Variants in NDUFAF6 observed in about 807,000 individuals in gnomAD.
NDUFAF6 encodes NADH:ubiquinone oxidoreductase complex assembly factor 6.
In NDUFAF6, 45 loss-of-function variants were observed where a neutral mutation model predicts 40.8. The observed-to-expected ratio is 1.10, with a 90% CI of 0.87 to 1.42. The LOEUF is 1.42. Ranked by LOEUF, NDUFAF6 falls within the 40% of genes most tolerant of loss-of-function variation. The pLI is 0.00. For missense variants in NDUFAF6, 435 were observed against 418.5 expected, an observed-to-expected ratio of 1.04 and a Z score of -0.34; for synonymous variants, 185 against 155.9, an observed-to-expected ratio of 1.19 and a Z score of -1.39.
At chr8:95,097,436 G>A (rs1320302118), upstream of NDUFAF6, among the ~76,000 whole-genome samples, 2 of 152,214 alleles carry the variant, frequency 1.3e-5, no homozygotes, top group Non-Finnish European at 2.9e-5. Context: ...AGCGGCTCAC[G>A]CCTGTAATCC....
At chr8:94,948,332 A>G (rs1822196127) in intron 2 of NDUFAF6, among the ~76,000 whole-genome samples, 3 of 152,166 alleles carry the variant, frequency 2.0e-5, no homozygotes, top group African/African-American at 7.2e-5. Flanking sequence ...TATTTCATAT[A>G]AGGTTATTAT....
chr8:94,896,945 A>G (rs933809906), intron 1 of NDUFAF6, among the ~76,000 whole-genome samples: 1 of 152,132 alleles, frequency 6.6e-6, no homozygotes, highest in Non-Finnish European at 1.5e-5. Context: ...TGTCAGTCCC[A>G]AGAAACTTTC....
intron 1 of NDUFAF6, among the ~76,000 whole-genome samples, chr8:94,973,524 C>T (rs1181476698): frequency 2.6e-5 from 4 of 152,026 alleles, no homozygotes; most frequent in African/African-American, 7.2e-5. Flanking sequence ...CTAGCTAACA[C>T]AGTGAAACCC....
At chr8:95,032,474 G>A (rs1346913935) in intron 2 of NDUFAF6, among the ~76,000 whole-genome samples, 2 of 152,148 alleles carry the variant, frequency 1.3e-5, no homozygotes, top group Non-Finnish European at 1.5e-5. Context: ...TTTAAATTGA[G>A]GTTTTAGCTT....
chr8:94,921,292 A>C (rs1427946139), intron 1 of NDUFAF6, among the ~76,000 whole-genome samples: 1 of 152,210 alleles, frequency 6.6e-6, no homozygotes, highest in Non-Finnish European at 1.5e-5. Context: ...ACTGAAGTTA[A>C]GTGGGGATGA....
rs555590298 is a variant in NDUFAF6 at position 95,074,517 on chromosome 8, A to G, written c.*512-1116A>G. Reference sequence around the variant, plus strand: ...TCTAACCACCTGAAGATGACTTTCCATCTCCTCCAATGTCCTATGTCTAAA... The same window carrying G: ...TCTAACCACCTGAAGATGACTTTCCGTCTCCTCCAATGTCCTATGTCTAAA... On this transcript the variant is annotated intron_variant and NMD_transcript_variant, in intron 9 of 9. Transcript: ENST00000520757. Among the ~76,000 whole-genome samples, 6 of 113,764 alleles carry G rather than the reference A, an allele frequency of 5.3e-5. No individual in the cohort carries two copies. The East Asian group carries it at 1.4e-3, about 26-fold the overall frequency. The allele number at this position is 113,764 out of a possible 152,430, so 74.6% of individuals were successfully genotyped here. A position where few individuals can be genotyped will look rare whatever the true frequency, so the allele number is the denominator to read the frequency against.
chr8:94,964,488 G>T (rs548998216), intron 1 of NDUFAF6, among the ~76,000 whole-genome samples: 79 of 151,732 alleles, frequency 5.2e-4, no homozygotes, highest in Non-Finnish European at 1.0e-4. Context: ...AATAAAAGAG[G>T]TTTATATGGC....
downstream of NDUFAF6, among the ~76,000 whole-genome samples, chr8:95,078,293 T>C (rs906590228): frequency 1.3e-5 from 2 of 152,012 alleles, no homozygotes; most frequent in African/African-American, 4.8e-5. Context: ...TTTTGGCAAA[T>C]GCATAATGTC....
At chr8:94,939,712 C>T (rs773266632) in intron 1 of NDUFAF6, 43 of 1,153,258 alleles carry the variant, frequency 3.7e-5, no homozygotes, top group Non-Finnish European at 4.8e-5. Context: ...AGTTATCTTA[C>T]GGACCATCTT....
At chr8:95,004,033 TAG>T (rs1322820383) in intron 2 of NDUFAF6, among the ~76,000 whole-genome samples, 2 of 152,048 alleles carry the variant, frequency 1.3e-5, no homozygotes, top group African/African-American at 2.4e-5. Context: ...GAGGAACGAG[TAG>T]AGAGAGTGCT....
chr8:94,905,332 A>G (rs1818326011), intron 1 of NDUFAF6, among the ~76,000 whole-genome samples: 1 of 149,062 alleles, frequency 6.7e-6, no homozygotes, highest in Non-Finnish European at 1.5e-5. Context: ...GATTTTAAAA[A>G]TCATTTATTT....
intron 8 of NDUFAF6, 119 bp downstream of exon 8, chr8:95,052,349 C>T: frequency 2.8e-6 from 3 of 1,086,766 alleles, no homozygotes; most frequent in Non-Finnish European, 4.1e-6. Flanking sequence ...TTTTGTTTCC[C>T]TCCCTCATGG....
intron 3 of NDUFAF6, chr8:95,036,417 A>G: frequency 7.8e-7 from 1 of 1,289,410 alleles, no homozygotes; most frequent in Non-Finnish European, 1.0e-6. Context: ...CCCCAGATTG[A>G]CTTCACAGAG....
chr8:95,061,317 T>C (rs1302110043), downstream of NDUFAF6, among the ~76,000 whole-genome samples: 1 of 152,228 alleles, frequency 6.6e-6, no homozygotes, highest in African/African-American at 2.4e-5. Context: ...GGATTTGTTT[T>C]AGCTCATATA....
intron 2 of NDUFAF6, among the ~76,000 whole-genome samples, chr8:95,009,638 G>A (rs1238422955): frequency 6.6e-5 from 10 of 152,094 alleles, no homozygotes; most frequent in African/African-American, 1.9e-4. Context: ...CATCTGCTTC[G>A]GGCCAGCCCA....
At chr8:94,973,641 G>A (rs960873929) in intron 1 of NDUFAF6, among the ~76,000 whole-genome samples, 9 of 151,310 alleles carry the variant, frequency 5.9e-5, no homozygotes, top group Non-Finnish European at 1.3e-4. Context: ...CTGGGAGGTG[G>A]AGGTTGCAGT....
intron 1 of NDUFAF6, among the ~76,000 whole-genome samples, chr8:94,971,873 C>T (rs538447201): frequency 2.0e-5 from 3 of 151,400 alleles, no homozygotes; most frequent in Non-Finnish European, 4.4e-5. Flanking sequence ...TGGAGGCGGA[C>T]GTTGCAGTGA....
At chr8:95,106,545 GC>G (rs1445161592), downstream of NDUFAF6, among the ~76,000 whole-genome samples, 4 of 152,220 alleles carry the variant, frequency 2.6e-5, no homozygotes, top group Non-Finnish European at 5.9e-5. Flanking sequence ...GAAAACCTAG[GC>G]AATATCATTC....
intron 4 of NDUFAF6, among the ~76,000 whole-genome samples, chr8:95,044,920 A>G (rs1830562479): frequency 6.6e-6 from 1 of 152,114 alleles, no homozygotes; most frequent in Non-Finnish European, 1.5e-5. Context: ...TGTTTCTTGC[A>G]TATAGTGTAT....
Sources: gnomAD v4.1 joint callset for allele counts (sites outside exome capture counted in the v4.1 genomes callset) on GRCh38, gnomAD v4.1.1 for gene constraint, MANE v1.5 for transcripts, NCBI Gene and HGNC (gene_info 2026-07-23, HGNC 2026-07-21) for gene names.